SCN9A: variants seen among roughly 807,000 people sequenced by gnomAD.
The protein encoded by SCN9A is sodium channel protein type 9 subunit alpha.
Under a neutral mutation model 187.0 loss-of-function variants are expected in SCN9A, and 131 were observed. That is an observed-to-expected ratio of 0.70 (90% CI 0.61 to 0.81). SCN9A has a LOEUF of 0.81. Among genes scored for constraint, SCN9A ranks in the 30% least tolerant of loss-of-function variants. The probability of loss-of-function intolerance (pLI) is 0.00; values close to 1 mark genes in which losing one functional copy is unlikely to be tolerated. For missense variants in SCN9A, 2,252 were observed against 2,396.6 expected, an observed-to-expected ratio of 0.94 and a Z score of 1.26; for synonymous variants, 809 against 808.6, an observed-to-expected ratio of 1.00 and a Z score of -0.01.
At chr2:166,374,484 T>A (rs115848509) in intron 1 of SCN9A, among the ~76,000 whole-genome samples, 5,412 of 152,206 alleles carry the variant, frequency 0.036, 150 homozygotes, top group Non-Finnish European at 0.052. Context: ...CAATAATTTT[T>A]AAAAAATCTC....
intron 1 of SCN9A, among the ~76,000 whole-genome samples, chr2:166,372,976 A>G (rs1700599012): frequency 6.6e-6 from 1 of 152,152 alleles, no homozygotes; most frequent in East Asian, 1.9e-4. Context: ...CAAGACCAAC[A>G]CGGGACAACC....
At position 166,243,452 on chromosome 2, in the gene SCN9A, AG is replaced by A. The variant is rs112214397; in HGVS notation, c.3473-797del. On this transcript the variant is annotated intron_variant, in intron 18 of 26. Transcript: ENST00000642356. ...ATGGCAACTAAAGTGACAGATAGTC[AG>A]GGTTCATTTTGATAGCATGGAAGAA... is the stretch of plus-strand genomic sequence containing the variant. 4.4e-4 allele frequency among the ~76,000 whole-genome samples: 67 copies of A among 152,174 alleles called. 1 individual carries two copies. Among genetic ancestry groups the A allele is most frequent in the African/African-American group, 1.5e-3 (61 of 41,562 alleles).
At chr2:166,279,442 C>T (rs1201626677) in intron 14 of SCN9A, among the ~76,000 whole-genome samples, 1 of 152,116 alleles carries the variant, frequency 6.6e-6, no homozygotes, top group Non-Finnish European at 1.5e-5. Context: ...TGAACTGGTG[C>T]CTGCCTCACA....
At chr2:166,217,570 T>C (rs772608559) in intron 24 of SCN9A, among the ~76,000 whole-genome samples, 8 of 152,040 alleles carry the variant, frequency 5.3e-5, no homozygotes, top group Non-Finnish European at 8.8e-5. Flanking sequence ...CAGACATTTC[T>C]CAAAAGAAGA....
In SCN9A at chr2:166,297,671, T is replaced by C. The variant is rs534949709; in HGVS notation, c.902-3009A>G. Among the ~76,000 whole-genome samples, 7 of 151,848 alleles carry C rather than the reference T, an allele frequency of 4.6e-5. No homozygotes were observed. The South Asian group carries it at 1.5e-3, about 32-fold the overall frequency. ...GGTTTCTTGGTGGGAAAGATGAAAA[T>C]ATTTTAAATTAGATAGTGGCGATCG... On this transcript the variant is annotated intron_variant, in intron 7 of 26. Transcript: ENST00000642356.
At chr2:166,361,727 C>A (rs964111281) in intron 1 of SCN9A, among the ~76,000 whole-genome samples, 1 of 152,052 alleles carries the variant, frequency 6.6e-6, no homozygotes, top group Non-Finnish European at 1.5e-5. Context: ...TGATGACCCT[C>A]TAGGACTGAG....
At chr2:166,363,066 T>C (rs908445248) in intron 1 of SCN9A, among the ~76,000 whole-genome samples, 2 of 152,022 alleles carry the variant, frequency 1.3e-5, no homozygotes, top group African/African-American at 4.8e-5. Flanking sequence ...ACAAGAAATA[T>C]CTGTGGTATA....
At position 166,271,134 on chromosome 2, in the gene SCN9A, A is replaced by C. The variant is rs567257624; in HGVS notation, c.3351+1265T>G. Among the ~76,000 whole-genome samples the C allele has an allele frequency of 2.0e-5, 3 of 152,270 alleles. No individual in the cohort carries two copies. In the East Asian group the frequency reaches 5.8e-4, roughly 29 times the overall value. Reference sequence around the variant, plus strand: ...TTTACAGTACTATTTGATGCATACCATAATTTCTCAAAAAATTAAAATTTA... The same window carrying C: ...TTTACAGTACTATTTGATGCATACCCTAATTTCTCAAAAAATTAAAATTTA... On this transcript the variant is annotated intron_variant, in intron 17 of 26. Coordinates refer to ENST00000642356, the MANE Select transcript of SCN9A (RefSeq NM_001365536.1).
At chr2:166,322,258 T>C (rs1443031862) in intron 1 of SCN9A, among the ~76,000 whole-genome samples, 1 of 152,210 alleles carries the variant, frequency 6.6e-6, no homozygotes, top group Non-Finnish European at 1.5e-5. Flanking sequence ...TCGATTTCCA[T>C]TTGATCCAAT....
rs1168433938 is a variant in SCN9A, at chr2:166,277,175, T to G, written c.2682A>C (p.Glu894Asp). ...GMQLFGKSYKECVCKINDDCT... is the reference protein window; with the variant it reads ...GMQLFGKSYKDCVCKINDDCT... ...AGTCATCATTGATCTTGCAGACACA[T>G]TCTTTGTAGCTCTTACCAAAGAGCT... is the stretch of plus-strand genomic sequence containing the variant. Residue 894 changes from glutamate to aspartate, a missense_variant, in exon 16 of 27, where the codon GAA becomes GAC. Transcript: ENST00000642356. 1 of 1,613,856 alleles carries G rather than the reference T, an allele frequency of 6.2e-7. No individual in the cohort carries two copies. The highest frequency in any genetic ancestry group is 1.3e-5 in the African/African-American group (1 of 74,872).
intron 1 of SCN9A, among the ~76,000 whole-genome samples, chr2:166,340,865 C>G (rs1012318111): frequency 2.6e-5 from 4 of 152,022 alleles, no homozygotes; most frequent in Non-Finnish European, 5.9e-5. Flanking sequence ...TCAAGTGATC[C>G]ACCCACCTCA....
intron 1 of SCN9A, among the ~76,000 whole-genome samples, chr2:166,325,256 T>C (rs766956430): frequency 4.5e-4 from 68 of 152,244 alleles, no homozygotes; most frequent in Non-Finnish European, 8.8e-4. Context: ...TAAGTGATAA[T>C]AGACATAAAT....
At chr2:166,300,362 A>G (rs143829134) in intron 7 of SCN9A, among the ~76,000 whole-genome samples, 3 of 150,814 alleles carry the variant, frequency 2.0e-5, no homozygotes, top group Non-Finnish European at 4.4e-5. Flanking sequence ...CCCCCCACAC[A>G]TAGACTCACA....
chr2:166,275,340 T>C (rs1697183223), intron 16 of SCN9A, among the ~76,000 whole-genome samples: 1 of 152,060 alleles, frequency 6.6e-6, no homozygotes, highest in Admixed American at 6.6e-5. Flanking sequence ...ATTCTAGCAC[T>C]TTGGGAGGCG....
rs551581886 is a variant in SCN9A at position 166,345,136 on chromosome 2, G to C, written c.-51+30561C>G. On this transcript the variant is annotated intron_variant, in intron 1 of 26. Transcript: ENST00000642356. ...CTTTAACTATCATCCATGTGGAAGG[G>C]TAGCAAAAAAATGACTGCTATATAA... 1.3e-3 allele frequency among the ~76,000 whole-genome samples: 190 copies of C among 151,982 alleles called. 1 individual carries two copies. The highest frequency in any genetic ancestry group is 4.5e-3 in the African/African-American group (187 of 41,492).
intron 16 of SCN9A, among the ~76,000 whole-genome samples, chr2:166,275,031 G>A (rs540350315): frequency 6.6e-6 from 1 of 152,082 alleles, no homozygotes; most frequent in Non-Finnish European, 1.5e-5. Flanking sequence ...TGGGTAATTG[G>A]TTTTGGTCTT....
At chr2:166,276,952 A>G in intron 16 of SCN9A, 31 bp downstream of exon 16, 1 of 1,562,398 alleles carries the variant, frequency 6.4e-7, no homozygotes, top group Non-Finnish European at 8.7e-7. Flanking sequence ...TCCACAGAGA[A>G]ATTAAAATGC....
At chr2:166,215,779 C>CAAAAAAAAAAA (rs33938188) in intron 24 of SCN9A, among the ~76,000 whole-genome samples, 1 of 134,796 alleles carries the variant, frequency 7.4e-6, no homozygotes, top group African/African-American at 2.7e-5. Flanking sequence ...GTCTCCTAAC[C>CAAAAAAAAAAA]AAAAAAAAAA....
rs74389217 is a variant in SCN9A at position 166,237,981 on chromosome 2, A to T, written c.3801+113T>A. On this transcript the variant is annotated intron_variant, in intron 20 of 26. Coordinates refer to ENST00000642356, the MANE Select transcript of SCN9A (RefSeq NM_001365536.1). The stretch of plus-strand genomic sequence containing the variant: ...AAAAGAATAAACCTATAGCCTGAAA[A>T]TATATGAAGCTTAACAAAATTAAAA... The T allele has an allele frequency of 6.1e-3, 4,347 of 711,862 alleles. 167 individuals are homozygous for T. In the African/African-American group the frequency reaches 0.072, roughly 12 times the overall value. The allele number at this position is 711,862 out of a possible 1,614,324, so 44.1% of individuals were successfully genotyped here.
Sources: gnomAD v4.1 joint callset for allele counts (sites outside exome capture counted in the v4.1 genomes callset) on GRCh38, gnomAD v4.1.1 for gene constraint, MANE v1.5 for transcripts, NCBI Gene and HGNC (gene_info 2026-07-23, HGNC 2026-07-21) for gene names.